Variants in QTMAN observed in about 807,000 individuals in gnomAD.
The protein encoded by QTMAN is tRNA-queuosine alpha-mannosyltransferase.
the QTMAN span, among the ~76,000 whole-genome samples, chr2:144,256,899 A>G: frequency 6.6e-6 from 1 of 152,186 alleles, no homozygotes; most frequent in Non-Finnish European, 1.5e-5. Context: ...CTTTAAAAGG[A>G]GTTGCCAAGT....
chr2:144,064,932 A>G, the QTMAN span, among the ~76,000 whole-genome samples: 12 of 152,178 alleles, frequency 7.9e-5, no homozygotes, highest in African/African-American at 2.9e-4. Flanking sequence ...ATCAAATGTG[A>G]TAAGGGACTG....
chr2:144,197,166 G>T, the QTMAN span, among the ~76,000 whole-genome samples: 3 of 152,170 alleles, frequency 2.0e-5, no homozygotes, highest in Non-Finnish European at 2.9e-5. Context: ...TAACACAATG[G>T]TATTTGTGTA....
At chr2:144,045,693 T>A in the QTMAN span, among the ~76,000 whole-genome samples, 2 of 152,154 alleles carry the variant, frequency 1.3e-5, no homozygotes, top group East Asian at 3.8e-4. Context: ...TAGTTGTAAC[T>A]AACAAACAAC....
chr2:144,256,241 T>C, the QTMAN span, among the ~76,000 whole-genome samples: 1 of 152,186 alleles, frequency 6.6e-6, no homozygotes, highest in Non-Finnish European at 1.5e-5. Flanking sequence ...AGGCTTCCCA[T>C]GTTGAGAAGC....
chr2:144,268,103 T>C, the QTMAN span, among the ~76,000 whole-genome samples: 1 of 152,182 alleles, frequency 6.6e-6, no homozygotes, highest in South Asian at 2.1e-4. Flanking sequence ...CCCTCATGAA[T>C]GGCTTGGGGG....
At chr2:143,998,276 C>G in the QTMAN span, among the ~76,000 whole-genome samples, 1 of 152,120 alleles carries the variant, frequency 6.6e-6, no homozygotes, top group East Asian at 1.9e-4. Flanking sequence ...TTCAACAGGA[C>G]ACAGGGACTA....
At chr2:144,298,175 C>T in the QTMAN span, among the ~76,000 whole-genome samples, 2 of 151,820 alleles carry the variant, frequency 1.3e-5, no homozygotes, top group African/African-American at 4.8e-5. Context: ...CCTGCCACCA[C>T]ACCCAGCTAA....
chr2:143,964,419 T>C, the QTMAN span, among the ~76,000 whole-genome samples: 3 of 152,204 alleles, frequency 2.0e-5, no homozygotes, highest in Non-Finnish European at 2.9e-5. Context: ...TGTTGTTTTT[T>C]TGAGACAACA....
the QTMAN span, among the ~76,000 whole-genome samples, chr2:144,133,332 TATAA>T: frequency 3.2e-4 from 19 of 59,480 alleles, no homozygotes; most frequent in African/African-American, 1.2e-3. Flanking sequence ...TATATACATA[TATAA>T]ATATATATTA....
At chr2:144,014,639 C>T in the QTMAN span, among the ~76,000 whole-genome samples, 1 of 152,146 alleles carries the variant, frequency 6.6e-6, no homozygotes, top group African/African-American at 2.4e-5. Context: ...GGATATGACA[C>T]TCAGCAAAGA....
the QTMAN span, chr2:143,938,429 A>C: frequency 2.0e-5 from 3 of 152,044 alleles, no homozygotes; most frequent in African/African-American, 7.2e-5. Context: ...TTAACACTCA[A>C]ATTAAAGGAT....
At chr2:144,115,399 T>G in the QTMAN span, among the ~76,000 whole-genome samples, 1 of 152,252 alleles carries the variant, frequency 6.6e-6, no homozygotes, top group Non-Finnish European at 1.5e-5. Flanking sequence ...CTTGATTCTC[T>G]GTAAAACCAT....
the QTMAN span, among the ~76,000 whole-genome samples, chr2:144,235,286 G>C: frequency 6.6e-6 from 1 of 151,978 alleles, no homozygotes; most frequent in African/African-American, 2.4e-5. Flanking sequence ...ATAAAACGAG[G>C]GGAAAATCTG....
At chr2:144,283,643 T>C in the QTMAN span, among the ~76,000 whole-genome samples, 1,332 of 152,302 alleles carry the variant, frequency 8.7e-3, 14 homozygotes, top group African/African-American at 0.03. Context: ...TTTCATAAAT[T>C]CTATTTATGA....
the QTMAN span, among the ~76,000 whole-genome samples, chr2:143,975,243 T>A: frequency 6.6e-6 from 1 of 152,252 alleles, no homozygotes; most frequent in Non-Finnish European, 1.5e-5. Context: ...TTCTTATTCG[T>A]CACTTAACAT....
chr2:144,246,168 G>A, the QTMAN span, among the ~76,000 whole-genome samples: 1 of 152,208 alleles, frequency 6.6e-6, no homozygotes, highest in East Asian at 1.9e-4. Context: ...ATGGGCACAT[G>A]TAAAGTATTA....
the QTMAN span, among the ~76,000 whole-genome samples, chr2:144,193,499 A>G: frequency 1.3e-5 from 2 of 149,064 alleles, no homozygotes; most frequent in African/African-American, 4.9e-5. Flanking sequence ...CACATAATAT[A>G]TATTACGTGT....
chr2:144,263,245 A>AG, the QTMAN span, among the ~76,000 whole-genome samples: 5 of 151,544 alleles, frequency 3.3e-5, no homozygotes, highest in Non-Finnish European at 7.4e-5. Flanking sequence ...TACTGTTCCT[A>AG]GGACTAACAA....
chr2:144,218,939 C>CAAAAAAAAAAAAAAAAAA, the QTMAN span, among the ~76,000 whole-genome samples: 2 of 104,238 alleles, frequency 1.9e-5, no homozygotes, highest in Non-Finnish European at 4.0e-5. Flanking sequence ...AAAAAAAAAG[C>CAAAAAAAAAAAAAAAAAA]AAAATCCTAG....
Sources: allele counts gnomAD v4.1 joint callset (sites outside exome capture counted in the v4.1 genomes callset), GRCh38; gene constraint gnomAD v4.1.1; transcripts MANE v1.5; gene names NCBI Gene and HGNC (gene_info 2026-07-23, HGNC 2026-07-21).